WDR64: variants seen among roughly 807,000 people sequenced by gnomAD.
WDR64 encodes WD repeat domain 64, also known as WD repeat-containing protein 64.
WDR64 carries 112 observed loss-of-function variants against 139.3 expected under a neutral mutation model. That is an observed-to-expected ratio of 0.80 (90% CI 0.69 to 0.94). The LOEUF is 0.94. Among genes scored for constraint, WDR64 ranks in the 40% least tolerant of loss-of-function variants. The probability of loss-of-function intolerance (pLI) is 0.00; values close to 1 mark genes in which losing one functional copy is unlikely to be tolerated. For missense variants in WDR64, 1,206 were observed against 1,293.1 expected (o/e 0.93, Z 1.03); for synonymous variants, 444 against 437.7 (o/e 1.01, Z -0.18).
chr1:241,660,813 G>T, intron 2 of WDR64, 153 bp downstream of exon 2: 1 of 742,272 alleles, frequency 1.3e-6, no homozygotes, highest in Non-Finnish European at 2.1e-6. Context: ...CATGGCCACT[G>T]CCCACAAATG....
chr1:241,748,865 A>G (rs1249672440), intron 13 of WDR64, among the ~76,000 whole-genome samples: 1 of 150,960 alleles, frequency 6.6e-6, no homozygotes, highest in Non-Finnish European at 1.5e-5. Context: ...GTGTGAACCC[A>G]GGAGGCGGAG....
intron 23 of WDR64, among the ~76,000 whole-genome samples, chr1:241,787,003 TACAGATTCAA>T (rs1035507489): frequency 7.9e-5 from 12 of 152,228 alleles, no homozygotes; most frequent in African/African-American, 2.6e-4. Context: ...GTGTCATAAG[TACAGATTCAA>T]ACTAATATTT....
chr1:241,700,727 T>G (rs1197378163), intron 8 of WDR64, among the ~76,000 whole-genome samples: 1 of 152,214 alleles, frequency 6.6e-6, no homozygotes, highest in Non-Finnish European at 1.5e-5. Context: ...CCTTTATGAA[T>G]GGAAATAGCA....
chr1:241,707,170 C>G (rs961899582), intron 8 of WDR64, among the ~76,000 whole-genome samples: 1 of 152,188 alleles, frequency 6.6e-6, no homozygotes, highest in Non-Finnish European at 1.5e-5. Flanking sequence ...GACACTCTCA[C>G]CTCTGTTCTT....
In WDR64 at chr1:241,787,821, T is replaced by C. The variant is rs1195262778; in HGVS notation, c.2706-28T>C. On this transcript the variant is annotated intron_variant, in intron 23 of 27. Coordinates refer to ENST00000437684, the MANE Select transcript of WDR64 (RefSeq NM_001367482.1). Reference sequence around the variant, plus strand: ...CTTTGACCAAATTTTCCAGTTACTTTTTCCTCCCTTCCTTTTCCTTCCCTC... The same window carrying C: ...CTTTGACCAAATTTTCCAGTTACTTCTTCCTCCCTTCCTTTTCCTTCCCTC... 6 of 1,540,858 alleles carry C rather than the reference T, an allele frequency of 3.9e-6. No individual in the cohort carries two copies. In the East Asian group the frequency reaches 1.4e-4, roughly 35 times the overall value.
chr1:241,683,069 T>C (rs919800146), intron 6 of WDR64, among the ~76,000 whole-genome samples: 1 of 152,362 alleles, frequency 6.6e-6, no homozygotes, highest in Non-Finnish European at 1.5e-5. Flanking sequence ...GATGGTAGGA[T>C]ATTTTTTCTT....
chr1:241,746,522 T>G (rs1186646194), intron 13 of WDR64, among the ~76,000 whole-genome samples: 1 of 147,578 alleles, frequency 6.8e-6, no homozygotes, highest in African/African-American at 2.7e-5. Flanking sequence ...GTGGGTGGTG[T>G]TTTAAAAAAA....
chr1:241,657,940 T>C (rs1028488705), intron 1 of WDR64, among the ~76,000 whole-genome samples: 3 of 152,232 alleles, frequency 2.0e-5, no homozygotes, highest in Non-Finnish European at 4.4e-5. Flanking sequence ...AATACTGCTT[T>C]TCACCTTATA....
At position 241,749,592 on chromosome 1, in the gene WDR64, T is replaced by C; in HGVS notation, c.1640T>C (p.Val547Ala). Residue 547 changes from valine (V) to alanine (A), a missense_variant, in exon 14 of 28, where the codon GTG becomes GCG. Transcript: ENST00000437684. ...TTTGGCAGTGGGCAGGAGATGAAGG[T>C]GTTGCCGGAGGGGAAAGACTGGAAG... ...WDFGSGQEMK[V>A]LPEGKDWKED... 6.2e-7 allele frequency: 1 copy of C among 1,614,016 alleles called. No homozygotes were observed. Among genetic ancestry groups the C allele is most frequent in the Non-Finnish European group, 8.5e-7 (1 of 1,179,998 alleles).
intron 18 of WDR64, among the ~76,000 whole-genome samples, chr1:241,771,002 G>A (rs1297810184): frequency 6.6e-6 from 1 of 151,962 alleles, no homozygotes; most frequent in Non-Finnish European, 1.5e-5. Context: ...AGTAATTTTA[G>A]ACCATCTCTT....
chr1:241,742,570 C>T (rs533157317), intron 12 of WDR64, among the ~76,000 whole-genome samples: 8 of 152,280 alleles, frequency 5.3e-5, no homozygotes, highest in Non-Finnish European at 1.0e-4. Flanking sequence ...AGTTACCCTA[C>T]ATTGTCTAAA....
Position 241,770,656 on chromosome 1 carries a change from AGT to A in WDR64, c.2223_2224del (p.Cys741Ter). ...CAGGATTCCATATGTTCTTCATCCC[AGT>A]GTGAATCCAGCAAAGGTCCACAGAG... On this transcript the variant is annotated frameshift_variant, in exon 18 of 28. Transcript: ENST00000437684. LOFTEE classifies it high-confidence loss of function. 5 of 1,551,552 alleles carry A rather than the reference AGT, an allele frequency of 3.2e-6. No individual in the cohort carries two copies. The highest frequency in any genetic ancestry group is 4.4e-6 in the Non-Finnish European group (5 of 1,146,890).
intron 8 of WDR64, among the ~76,000 whole-genome samples, chr1:241,708,189 T>C (rs540184162): frequency 6.6e-6 from 1 of 152,362 alleles, no homozygotes; most frequent in African/African-American, 2.4e-5. Context: ...TAGAAAACTC[T>C]AGAAGTTTTC....
intron 13 of WDR64, among the ~76,000 whole-genome samples, chr1:241,748,712 G>T (rs555178173): frequency 1.3e-5 from 2 of 152,180 alleles, no homozygotes; most frequent in African/African-American, 4.8e-5. Context: ...GGCCGAGGAG[G>T]GCAGATCATG....
chr1:241,775,252 T>C (rs1302463600), intron 21 of WDR64, 42 bp downstream of exon 21: 30 of 1,475,394 alleles, frequency 2.0e-5, no homozygotes, highest in Admixed American at 4.1e-5. Flanking sequence ...GGTGTCTTAA[T>C]AGCTTACCTG....
At chr1:241,698,061 T>C (rs1226377671) in intron 8 of WDR64, among the ~76,000 whole-genome samples, 1 of 152,212 alleles carries the variant, frequency 6.6e-6, no homozygotes, top group South Asian at 2.1e-4. Context: ...TATGTACTAA[T>C]GAAACCCAAG....
At position 241,802,028 on chromosome 1, in the gene WDR64, T is replaced by C. The variant is rs1659541055; in HGVS notation, c.*813T>C. ...GAAAAAAGATGTATGATGCAAAAAC[T>C]AACCTAAAGAAAATCAATATAGCCA... On this transcript the variant is annotated 3_prime_UTR_variant, in exon 28 of 28. Transcript: ENST00000437684. The C allele has an allele frequency of 1.0e-5, 4 of 397,700 alleles. No homozygotes were observed. In the East Asian group the frequency reaches 1.4e-4, roughly 14 times the overall value. The allele number at this position is 397,700 out of a possible 1,614,324, so 24.6% of individuals were successfully genotyped here.
At chr1:241,792,264 C>T (rs779115144) in intron 25 of WDR64, among the ~76,000 whole-genome samples, 22 of 152,142 alleles carry the variant, frequency 1.4e-4, no homozygotes, top group Admixed American at 4.6e-4. Context: ...GGGCCGGGTG[C>T]GGTGGCTCAC....
intron 9 of WDR64, among the ~76,000 whole-genome samples, chr1:241,722,181 C>G (rs977591500): frequency 2.0e-4 from 31 of 152,202 alleles, no homozygotes; most frequent in African/African-American, 7.5e-4. Flanking sequence ...GGAAAAAATA[C>G]CCAACGGCAT....
Sources: allele counts gnomAD v4.1 joint callset (sites outside exome capture counted in the v4.1 genomes callset), GRCh38; gene constraint gnomAD v4.1.1; transcripts MANE v1.5; gene names NCBI Gene and HGNC (gene_info 2026-07-23, HGNC 2026-07-21).